The following STK11IP variants were observed in gnomAD, a reference collection of about 807,000 sequenced individuals.
STK11IP encodes the protein serine/threonine kinase 11 interacting protein, also known as serine/threonine-protein kinase 11-interacting protein.
A neutral mutation model predicts 131.7 loss-of-function variants in STK11IP; 103 were observed. The ratio of observed to expected loss-of-function variants is 0.78; its 90% CI spans 0.67 to 0.92. The LOEUF (loss-of-function observed/expected upper bound fraction) is 0.92, where lower values mean the gene tolerates loss of function less well. Ranked by LOEUF, STK11IP falls within the 40% of genes least tolerant of loss-of-function variation. The pLI, the probability that STK11IP is intolerant of heterozygous loss-of-function variation, is 0.00. For synonymous variants in STK11IP, 557 were observed against 575.6 expected, an observed-to-expected ratio of 0.97 and a Z score of 0.46; for missense variants, 1,315 against 1,385.7, an observed-to-expected ratio of 0.95 and a Z score of 0.81.
In STK11IP at chr2:219,611,662, T is replaced by C. The variant is rs1482345295; in HGVS notation, c.2163T>C (p.Ser721=). Residue 721 remains serine, a synonymous_variant, in exon 18 of 25, where the codon TCT becomes TCC. Coordinates refer to ENST00000456909, the MANE Select transcript of STK11IP (RefSeq NM_052902.4). The part of the protein sequence containing the change: ...GSDHVVLLAV[S]RGTPNRERKQ... ...ACCACGTGGTTCTCCTCGCTGTGTC[T>C]CGGGGAACCCCCAACAGGGAGCGGA... 2 of 1,612,998 alleles carry C rather than the reference T, an allele frequency of 1.2e-6. No homozygotes were observed. The highest frequency in any genetic ancestry group is 1.3e-5 in the African/African-American group (1 of 74,882).
chr2:219,603,134 C>T (rs1698045761), intron 7 of STK11IP, among the ~76,000 whole-genome samples: 1 of 151,004 alleles, frequency 6.6e-6, no homozygotes, highest in South Asian at 2.1e-4. Context: ...CTCTGCCTCC[C>T]AGGTTCAAGC....
chr2:219,614,553 C>G lies in STK11IP; in HGVS notation c.2869+7C>G. On this transcript the variant is annotated splice_region_variant and intron_variant, in intron 23 of 24. Coordinates refer to ENST00000456909, the MANE Select transcript of STK11IP (RefSeq NM_052902.4). Reference sequence around the variant, plus strand: ...CGGGCGTTCCTGGTTGAAGGTGAAGCCTCTGTGCAGCTGATGCTTCCCTGG... The same window carrying G: ...CGGGCGTTCCTGGTTGAAGGTGAAGGCTCTGTGCAGCTGATGCTTCCCTGG... 2 of 1,613,716 alleles carry G rather than the reference C, an allele frequency of 1.2e-6. No homozygotes were observed. The highest frequency in any genetic ancestry group is 1.7e-6 in the Non-Finnish European group (2 of 1,179,806).
chr2:219,606,253 A>C lies in STK11IP; in HGVS notation c.908A>C (p.Gln303Pro). Residue 303 changes from glutamine to proline, a missense_variant, in exon 10 of 25, where the codon CAG (glutamine) becomes CCG (proline). Gln to Pro is a moderately conservative substitution (Grantham distance 76). Transcript: ENST00000456909. ...CCTGAGCACCGAGCAGCCACTGCCC[A>C]GTACTTGTCACCCCGGGCCAGGGAT... ...FHPEHRAATA[Q>P]YLSPRARDAA... is the part of the protein sequence containing the mutation. 6.4e-7 allele frequency: 1 copy of C among 1,572,762 alleles called. No homozygotes were observed.
intron 19 of STK11IP, 139 bp downstream of exon 19, chr2:219,612,197 G>A (rs984123348): frequency 5.4e-6 from 4 of 747,252 alleles, no homozygotes; most frequent in Middle Eastern, 3.7e-4. Flanking sequence ...TTCTTGCTGT[G>A]TGGCCGTGGA....
intron 7 of STK11IP, among the ~76,000 whole-genome samples, chr2:219,605,320 T>G (rs1248932917): frequency 6.6e-6 from 1 of 152,120 alleles, no homozygotes; most frequent in Non-Finnish European, 1.5e-5. Context: ...TCTTCAGGAG[T>G]TGGCTGAAAC....
chr2:219,606,127 A>C, intron 9 of STK11IP, 68 bp downstream of exon 9: 1 of 1,541,838 alleles, frequency 6.5e-7, no homozygotes, highest in Non-Finnish European at 8.8e-7. Flanking sequence ...TGGTTTGGTC[A>C]GTGCCTTCTT....
rs114005520 is a variant in STK11IP at position 219,612,495 on chromosome 2, C to A, written c.2439+437C>A. On this transcript the variant is annotated intron_variant, in intron 19 of 24. Transcript: ENST00000456909. ...TTATGCAATATGCAAATGCTGTAAT[C>A]GGGCTAAGGCCCTTGAAGGGGTGTC... is the stretch of plus-strand genomic sequence containing the variant. Among the ~76,000 whole-genome samples, 1,190 of 152,328 alleles carry A rather than the reference C, an allele frequency of 7.8e-3. 16 individuals carry two copies. Among genetic ancestry groups the A allele is most frequent in the African/African-American group, 0.025 (1,029 of 41,560 alleles).
chr2:219,612,022 C>T lies in STK11IP; in HGVS notation c.2403C>T (p.Phe801=). The T allele has an allele frequency of 6.2e-7, 1 of 1,605,078 alleles. No homozygotes were observed. The highest frequency in any genetic ancestry group is 8.5e-7 in the Non-Finnish European group (1 of 1,176,632). The change falls in exon 19 of 25, where the codon TTC becomes TTT. Residue 801 remains phenylalanine (F), a synonymous_variant. Coordinates refer to ENST00000456909, the MANE Select transcript of STK11IP (RefSeq NM_052902.4). ...RLRLFLDVEV[F]SDAQEEFQCC... ...GGCTCTTCCTGGATGTTGAGGTGTT[C>T]AGCGATGCCCAGGAGGAGTTCCAGT...
intron 2 of STK11IP, among the ~76,000 whole-genome samples, chr2:219,599,209 C>T (rs1471022986): frequency 1.3e-5 from 2 of 152,238 alleles, no homozygotes; most frequent in Non-Finnish European, 2.9e-5. Flanking sequence ...CTGCCTCAGC[C>T]TCCTGAGTAG....
intron 4 of STK11IP, 106 bp from the exon 5 acceptor site, chr2:219,601,882 A>G (rs1697997405): frequency 1.6e-6 from 2 of 1,277,254 alleles, no homozygotes; most frequent in Non-Finnish European, 2.2e-6. Flanking sequence ...TCCCTAAATC[A>G]TAGCTGGGCT....
In STK11IP at chr2:219,606,818, CAG is replaced by C. The variant is rs750279146; in HGVS notation, c.1095_1096del (p.Gly367CysfsTer9). The C allele has an allele frequency of 6.9e-5, 111 of 1,613,514 alleles. No individual in the cohort carries two copies. The highest frequency in any genetic ancestry group is 8.6e-5 in the Non-Finnish European group (101 of 1,179,766). On this transcript the variant is annotated frameshift_variant, in exon 12 of 25. Coordinates refer to ENST00000456909, the MANE Select transcript of STK11IP (RefSeq NM_052902.4). LOFTEE classifies it high-confidence loss of function. ...CCTGACCTGAGTGACAGCCTCTCCT[CAG>C]GGGGTGTTGTGACCCAGCCCCTGCT...
intron 2 of STK11IP, chr2:219,598,462 C>G (rs1697872578): frequency 5.3e-6 from 2 of 374,840 alleles, no homozygotes; most frequent in East Asian, 4.5e-5. Context: ...CTAAAAGCCC[C>G]TCAGGACCAG....
chr2:219,601,696 A>T lies in STK11IP; in HGVS notation c.323A>T (p.Lys108Ile), dbSNP rs1300748619. 6.2e-7 allele frequency: 1 copy of T among 1,607,036 alleles called. No individual in the cohort carries two copies. The change falls in exon 4 of 25, where the codon AAA becomes ATA. Residue 108 changes from lysine to isoleucine, a missense_variant. Physicochemically the swap from Lys to Ile is moderately radical, Grantham distance 102 (BLOSUM62 -3). Coordinates refer to ENST00000456909, the MANE Select transcript of STK11IP (RefSeq NM_052902.4). ...PTGPIKIFPF[K>I]SLRHLELRGV... ...GGGCCCATCAAGATTTTCCCCTTCA[A>T]ATCCCTTCGGCACCTGGAGGTATGG...
At chr2:219,606,115 G>C (rs534885540) in intron 9 of STK11IP, 56 bp downstream of exon 9, 14 of 1,544,708 alleles carry the variant, frequency 9.1e-6, no homozygotes, top group Non-Finnish European at 1.2e-5. Flanking sequence ...ACCCCCCCAT[G>C]CTGGTTTGGT....
rs1322660078 is a variant in STK11IP at position 219,606,160 on chromosome 2, C to T, written c.850-35C>T. The T allele has an allele frequency of 7.1e-6, 11 of 1,545,414 alleles. No individual in the cohort carries two copies. In the African/African-American group the frequency reaches 8.2e-5, roughly 12 times the overall value. On this transcript the variant is annotated intron_variant, in intron 9 of 24. Coordinates refer to ENST00000456909, the MANE Select transcript of STK11IP (RefSeq NM_052902.4). ...CTTCACACAGGGAGGGCCAGGGCCC[C>T]AGGCCCTCCTCATTCTCCCCTTCCT...
rs762676368 is a variant in STK11IP at position 219,608,191 on chromosome 2, C to T, written c.1364C>T (p.Ala455Val). 13 of 1,613,528 alleles carry T rather than the reference C, an allele frequency of 8.1e-6. No individual in the cohort carries two copies. The highest frequency in any genetic ancestry group is 1.1e-5 in the Non-Finnish European group (13 of 1,179,902). ...PATPTTSAPS[A>V]PPASSQGPDT... The stretch of plus-strand genomic sequence containing the variant: ...ACCCCCACTACTTCTGCACCCAGTG[C>T]ACCTCCAGCCAGCTCCCAGGGCCCC... Residue 455 changes from alanine (A) to valine (V), a missense_variant, in exon 14 of 25, where the codon GCA becomes GTA. Coordinates refer to ENST00000456909, the MANE Select transcript of STK11IP (RefSeq NM_052902.4).
At chr2:219,612,100 G>T (rs1265502683) in intron 19 of STK11IP, 42 bp downstream of exon 19, 2 of 1,546,138 alleles carry the variant, frequency 1.3e-6, no homozygotes, top group Non-Finnish European at 1.8e-6. Flanking sequence ...AGCTGTCCAG[G>T]GTGCCCACTC....
chr2:219,609,594 A>G (rs1169763649), intron 17 of STK11IP, 54 bp downstream of exon 17: 2 of 1,548,722 alleles, frequency 1.3e-6, no homozygotes, highest in Non-Finnish European at 1.7e-6. Flanking sequence ...GTTCCAGGGA[A>G]AGTGGCTCTG....
chr2:219,611,138 G>T (rs1698383777), intron 17 of STK11IP, among the ~76,000 whole-genome samples: 1 of 152,208 alleles, frequency 6.6e-6, no homozygotes, highest in Non-Finnish European at 1.5e-5. Context: ...GGCTCACAGA[G>T]CTTAGATGAC....
Sources: allele counts gnomAD v4.1 joint callset (sites outside exome capture counted in the v4.1 genomes callset), GRCh38; gene constraint gnomAD v4.1.1; transcripts MANE v1.5; gene names NCBI Gene and HGNC (gene_info 2026-07-23, HGNC 2026-07-21).